Variants in RIMS1 observed in about 807,000 individuals in gnomAD.
RIMS1 encodes regulating synaptic membrane exocytosis 1, also known as regulating synaptic membrane exocytosis protein 1.
Under a neutral mutation model 214.1 loss-of-function variants are expected in RIMS1, and 83 were observed. That is an observed-to-expected ratio of 0.39 (90% confidence interval 0.32 to 0.47). The LOEUF is 0.47. Ranked by LOEUF, RIMS1 falls within the 20% of genes least tolerant of loss-of-function variation. The probability of loss-of-function intolerance (pLI) is 0.99; values close to 1 mark genes in which losing one functional copy is unlikely to be tolerated. For missense variants in RIMS1, 2,050 were observed against 2,161.8 expected (o/e 0.95, Z 1.03); for synonymous variants, 793 against 786.8 (o/e 1.01, Z -0.13).
chr6:72,209,012 C>A (rs369887749), intron 6 of RIMS1, among the ~76,000 whole-genome samples: 17 of 152,056 alleles, frequency 1.1e-4, no homozygotes, highest in Non-Finnish European at 1.8e-4. Flanking sequence ...ATGATACAGA[C>A]CAGTTCTCAT....
intron 4 of RIMS1, among the ~76,000 whole-genome samples, chr6:72,165,275 A>G (rs1249711854): frequency 2.0e-5 from 3 of 152,210 alleles, no homozygotes; most frequent in African/African-American, 7.2e-5. Flanking sequence ...TCTTAATTAC[A>G]TAAGTTCATT....
rs148252756 is a variant in RIMS1 at position 71,898,137 on chromosome 6, G to A, written c.164+10950G>A. On this transcript the variant is annotated intron_variant, in intron 1 of 33. Coordinates refer to ENST00000521978, the MANE Select transcript of RIMS1 (RefSeq NM_014989.7). ...GAAAGACAGCATTCTTAAAGTATTT[G>A]AATATAGGTGAGGATGTAAATTATA... 1.8e-3 allele frequency among the ~76,000 whole-genome samples: 278 copies of A among 152,172 alleles called. 2 individuals carry two copies. Among genetic ancestry groups the A allele is most frequent in the African/African-American group, 6.4e-3 (264 of 41,510 alleles).
rs2154008471 is a variant in RIMS1 at position 72,212,929 on chromosome 6, G to A, written c.1679-20844G>A. On this transcript the variant is annotated intron_variant, in intron 6 of 33. Transcript: ENST00000521978. ...GCAGTGACCTGAGTCAGTCATGCAA[G>A]GAGACTTTCTTGTTCTCACACCAAT... The A allele has an allele frequency of 2.9e-6, 4 of 1,374,668 alleles. No individual in the cohort carries two copies. The East Asian group carries it at 1.1e-4, about 38-fold the overall frequency. 85.2% of individuals were successfully genotyped at this position (1,374,668 alleles called of 1,614,324 possible).
At chr6:72,340,402 G>T (rs1316970700) in intron 29 of RIMS1, among the ~76,000 whole-genome samples, 2 of 151,722 alleles carry the variant, frequency 1.3e-5, no homozygotes, top group East Asian at 3.9e-4. Flanking sequence ...TTCTTCTAGG[G>T]TTTTTATGGT....
At chr6:71,923,495 G>T (rs1232566407) in intron 1 of RIMS1, among the ~76,000 whole-genome samples, 1 of 152,100 alleles carries the variant, frequency 6.6e-6, no homozygotes, top group East Asian at 1.9e-4. Context: ...GTAAAGACAT[G>T]CCTGTTGATA....
intron 6 of RIMS1, among the ~76,000 whole-genome samples, chr6:72,202,057 T>C (rs1320458713): frequency 1.3e-5 from 2 of 152,242 alleles, no homozygotes; most frequent in Non-Finnish European, 2.9e-5. Flanking sequence ...ATCTTCTTTG[T>C]ATGTCTTGTT....
chr6:72,144,952 T>C (rs910629625), intron 4 of RIMS1, among the ~76,000 whole-genome samples: 5 of 151,938 alleles, frequency 3.3e-5, no homozygotes, highest in African/African-American at 1.2e-4. Flanking sequence ...TGGCGTGATC[T>C]TGGCTCACCA....
At chr6:72,076,965 TA>T (rs1447477724) in intron 2 of RIMS1, among the ~76,000 whole-genome samples, 4 of 152,028 alleles carry the variant, frequency 2.6e-5, no homozygotes, top group African/African-American at 7.2e-5. Flanking sequence ...TAGAAGAAAA[TA>T]AAAAATTCCC....
At chr6:72,261,371 G>C (rs1360525851) in intron 19 of RIMS1, 1 of 986,834 alleles carries the variant, frequency 1.0e-6, no homozygotes, top group Admixed American at 6.1e-5. Context: ...TTCCCACAAA[G>C]GCATATAACA....
intron 9 of RIMS1, among the ~76,000 whole-genome samples, chr6:72,238,371 G>A (rs1181457474): frequency 2.0e-5 from 3 of 151,686 alleles, no homozygotes; most frequent in Non-Finnish European, 4.4e-5. Context: ...TTATTCAGGG[G>A]CAGTGTTTTT....
chr6:72,375,803 G>C (rs2098359045), intron 29 of RIMS1, among the ~76,000 whole-genome samples: 2 of 151,674 alleles, frequency 1.3e-5, no homozygotes, highest in African/African-American at 4.9e-5. Flanking sequence ...TGCAGTTTTT[G>C]CTGGCTTGCT....
At chr6:71,991,591 T>A (rs1801580123) in intron 2 of RIMS1, among the ~76,000 whole-genome samples, 1 of 152,208 alleles carries the variant, frequency 6.6e-6, no homozygotes, top group Non-Finnish European at 1.5e-5. Flanking sequence ...GATATTCTAT[T>A]TCATAACAGA....
chr6:72,360,914 T>A (rs1010898346), intron 29 of RIMS1, among the ~76,000 whole-genome samples: 16 of 149,426 alleles, frequency 1.1e-4, no homozygotes, highest in African/African-American at 3.4e-4. Flanking sequence ...GCCTTAGAAA[T>A]CCTCTGTTTA....
At chr6:71,986,190 G>GTTTTT (rs35395914) in intron 2 of RIMS1, among the ~76,000 whole-genome samples, 9 of 131,772 alleles carry the variant, frequency 6.8e-5, no homozygotes, top group Non-Finnish European at 6.5e-5. Context: ...TTTGGGTTTT[G>GTTTTT]TTTTTTTTTT....
At chr6:71,904,792 G>A (rs1355055583) in intron 1 of RIMS1, among the ~76,000 whole-genome samples, 1 of 152,084 alleles carries the variant, frequency 6.6e-6, no homozygotes, top group East Asian at 1.9e-4. Flanking sequence ...GACCTCTTTT[G>A]GGGATTTACA....
chr6:72,239,446 GT>G (rs1160790313), intron 9 of RIMS1, among the ~76,000 whole-genome samples: 3 of 152,150 alleles, frequency 2.0e-5, no homozygotes, highest in Non-Finnish European at 4.4e-5. Flanking sequence ...TTCGAAGAAA[GT>G]GAAGTGATTT....
intron 28 of RIMS1, among the ~76,000 whole-genome samples, chr6:72,329,667 A>T (rs1350743693): frequency 1.3e-5 from 2 of 151,732 alleles, no homozygotes; most frequent in Admixed American, 6.6e-5. Flanking sequence ...TGCTCTTGTT[A>T]GCCAATGCAC....
chr6:72,068,816 CA>C (rs1478484408), intron 2 of RIMS1, among the ~76,000 whole-genome samples: 2 of 151,634 alleles, frequency 1.3e-5, no homozygotes, highest in African/African-American at 4.9e-5. Flanking sequence ...GAGGCTGAGG[CA>C]GGAGAATGAC....
intron 4 of RIMS1, among the ~76,000 whole-genome samples, chr6:72,112,976 A>G (rs562298246): frequency 3.3e-4 from 50 of 152,262 alleles, no homozygotes; most frequent in South Asian, 1.7e-3. Flanking sequence ...TCATGTTACC[A>G]GGGCAAAGTA....
Sources: allele counts gnomAD v4.1 joint callset (sites outside exome capture counted in the v4.1 genomes callset), GRCh38; gene constraint gnomAD v4.1.1; transcripts MANE v1.5; gene names NCBI Gene and HGNC (gene_info 2026-07-23, HGNC 2026-07-21).